The following GALNT17 variants were observed in gnomAD, a reference collection of about 807,000 sequenced individuals.
GALNT17 encodes polypeptide N-acetylgalactosaminyltransferase 17.
GALNT17 carries 29 observed loss-of-function variants against 63.7 expected under a neutral mutation model. That is an observed-to-expected ratio of 0.46 (90% CI 0.34 to 0.62). The LOEUF is 0.62. GALNT17 is among the 20% of genes least tolerant of loss of function. The probability of loss-of-function intolerance (pLI) is 0.01; values close to 1 mark genes in which losing one functional copy is unlikely to be tolerated. For synonymous variants in GALNT17, 305 were observed against 318.3 expected, an observed-to-expected ratio of 0.96 and a Z score of 0.45; for missense variants, 603 against 799.6, an observed-to-expected ratio of 0.75 and a Z score of 2.97.
chr7:71,308,341 G>A (rs1402377901), intron 1 of GALNT17, among the ~76,000 whole-genome samples: 1 of 152,168 alleles, frequency 6.6e-6, no homozygotes, highest in Non-Finnish European at 1.5e-5. Flanking sequence ...CCCACACCCA[G>A]ACTGTTCGGT....
At chr7:71,452,796 G>T (rs1296925827) in intron 5 of GALNT17, among the ~76,000 whole-genome samples, 1 of 152,178 alleles carries the variant, frequency 6.6e-6, no homozygotes, top group East Asian at 1.9e-4. Context: ...AGGCCCAGAG[G>T]CTCTGGAGCA....
chr7:71,366,505 T>C (rs770854745), intron 2 of GALNT17, among the ~76,000 whole-genome samples: 11 of 152,064 alleles, frequency 7.2e-5, no homozygotes, highest in Admixed American at 3.9e-4. Context: ...TGCTTGAACC[T>C]GGGAAGCGGA....
intron 3 of GALNT17, among the ~76,000 whole-genome samples, chr7:71,407,631 C>T (rs1224908893): frequency 6.6e-6 from 1 of 152,068 alleles, no homozygotes; most frequent in African/African-American, 2.4e-5. Context: ...CCTTGTAGTC[C>T]CAGCTACTCA....
At chr7:71,551,337 A>T (rs1461290400) in intron 5 of GALNT17, among the ~76,000 whole-genome samples, 1 of 152,014 alleles carries the variant, frequency 6.6e-6, no homozygotes. Context: ...TGTGATTTCC[A>T]GTTTCCTGCC....
intron 3 of GALNT17, among the ~76,000 whole-genome samples, chr7:71,396,234 T>G (rs2116370033): frequency 6.6e-6 from 1 of 152,198 alleles, no homozygotes; most frequent in South Asian, 2.1e-4. Flanking sequence ...CTTCTAAGAG[T>G]TTTATAGTCC....
chr7:71,208,045 C>T (rs1379886787), intron 1 of GALNT17, among the ~76,000 whole-genome samples: 1 of 151,852 alleles, frequency 6.6e-6, no homozygotes, highest in East Asian at 1.9e-4. Flanking sequence ...AAGTGATCCT[C>T]CCACCTCGGC....
At chr7:71,230,413 G>A (rs978858973) in intron 1 of GALNT17, among the ~76,000 whole-genome samples, 9 of 152,152 alleles carry the variant, frequency 5.9e-5, no homozygotes, top group Admixed American at 2.0e-4. Flanking sequence ...TGCAGCCCAC[G>A]TTCAAGAAAC....
At chr7:71,289,096 T>G (rs1276806147) in intron 1 of GALNT17, among the ~76,000 whole-genome samples, 2 of 150,382 alleles carry the variant, frequency 1.3e-5, no homozygotes, top group Non-Finnish European at 2.9e-5. Context: ...GTCAAAATTT[T>G]GTGTGTGACT....
Position 71,445,121 on chromosome 7 carries a change from G to A in GALNT17, c.962+24016G>A, listed in dbSNP as rs1729274587. ...ATCATGCCATCACCCAGTCACATGG[G>A]ATGGTAATGGAGCTATAGCACCTCC... On this transcript the variant is annotated intron_variant, in intron 5 of 10. Transcript: ENST00000333538. Among the ~76,000 whole-genome samples, 3 of 151,884 alleles carry A rather than the reference G, an allele frequency of 2.0e-5. No homozygotes were observed. In the South Asian group the frequency reaches 6.2e-4, roughly 32 times the overall value.
chr7:71,585,567 A>G (rs1229224100), intron 6 of GALNT17, among the ~76,000 whole-genome samples: 1 of 152,240 alleles, frequency 6.6e-6, no homozygotes, highest in East Asian at 1.9e-4. Flanking sequence ...TTGGTGTCAT[A>G]GCACCCTCTT....
At chr7:71,334,639 T>G (rs562616561) in intron 1 of GALNT17, among the ~76,000 whole-genome samples, 36 of 152,344 alleles carry the variant, frequency 2.4e-4, no homozygotes, top group African/African-American at 8.7e-4. Flanking sequence ...AATAATAGGT[T>G]TAAGGTGTCA....
At chr7:71,210,787 G>A (rs538882044) in intron 1 of GALNT17, among the ~76,000 whole-genome samples, 29 of 152,286 alleles carry the variant, frequency 1.9e-4, no homozygotes, top group African/African-American at 6.7e-4. Context: ...AGCAGAAAGA[G>A]CGTTTGCTTA....
intron 6 of GALNT17, among the ~76,000 whole-genome samples, chr7:71,661,176 A>C (rs925802812): frequency 2.6e-5 from 4 of 152,222 alleles, no homozygotes; most frequent in Non-Finnish European, 4.4e-5. Context: ...AAGAGAAGTC[A>C]AGGGGTCTAC....
At chr7:71,370,867 A>G (rs747787409) in intron 2 of GALNT17, among the ~76,000 whole-genome samples, 25 of 152,106 alleles carry the variant, frequency 1.6e-4, no homozygotes, top group Admixed American at 4.6e-4. Flanking sequence ...CAGCCTCCCA[A>G]AGTGCTGAGA....
At chr7:71,380,176 C>G (rs1027085231) in intron 2 of GALNT17, among the ~76,000 whole-genome samples, 1 of 151,960 alleles carries the variant, frequency 6.6e-6, no homozygotes, top group Non-Finnish European at 1.5e-5. Flanking sequence ...TTAACAAGAG[C>G]AGTTTCAGCA....
intron 1 of GALNT17, among the ~76,000 whole-genome samples, chr7:71,217,333 T>C (rs1789503931): frequency 6.6e-6 from 1 of 151,900 alleles, no homozygotes; most frequent in Non-Finnish European, 1.5e-5. Context: ...CATTTGCGGG[T>C]ATATTGTTGC....
At chr7:71,628,804 C>T (rs1349010033) in intron 6 of GALNT17, among the ~76,000 whole-genome samples, 2 of 151,980 alleles carry the variant, frequency 1.3e-5, no homozygotes, top group African/African-American at 2.4e-5. Flanking sequence ...TGGTGGCAAA[C>T]GCCTGTAATC....
intron 1 of GALNT17, among the ~76,000 whole-genome samples, chr7:71,136,596 C>T (rs557850738): frequency 2.3e-4 from 35 of 152,128 alleles, no homozygotes; most frequent in African/African-American, 8.4e-4. Flanking sequence ...AGTGACTTTC[C>T]TGCCTCAGCT....
intron 2 of GALNT17, among the ~76,000 whole-genome samples, chr7:71,370,885 C>G (rs1039134139): frequency 2.0e-5 from 3 of 152,046 alleles, no homozygotes; most frequent in Non-Finnish European, 4.4e-5. Context: ...AGATTACAGG[C>G]ATGAACCACT....
Sources: gnomAD v4.1 joint callset for allele counts (sites outside exome capture counted in the v4.1 genomes callset) on GRCh38, gnomAD v4.1.1 for gene constraint, MANE v1.5 for transcripts, NCBI Gene and HGNC (gene_info 2026-07-23, HGNC 2026-07-21) for gene names.